CLEC16A: variants seen among roughly 807,000 people sequenced by gnomAD.
The protein encoded by CLEC16A is protein CLEC16A.
Under a neutral mutation model 109.5 loss-of-function variants are expected in CLEC16A, and 51 were observed. That is an observed-to-expected ratio of 0.47 (90% CI 0.37 to 0.59). CLEC16A has a LOEUF of 0.59. CLEC16A is among the 20% of genes least tolerant of loss of function. The pLI is 0.00. For synonymous variants in CLEC16A, 673 were observed against 564.2 expected (o/e 1.19, Z -2.73); for missense variants, 1,339 against 1,394.0 (o/e 0.96, Z 0.63).
intron 13 of CLEC16A, among the ~76,000 whole-genome samples, chr16:11,031,366 G>T (rs1224459104): frequency 3.9e-5 from 6 of 152,176 alleles, no homozygotes; most frequent in African/African-American, 1.4e-4. Context: ...CCTTCCTGCA[G>T]CCCTGACCTG....
chr16:11,036,317 G>C (rs2047016165), intron 13 of CLEC16A, among the ~76,000 whole-genome samples: 1 of 151,044 alleles, frequency 6.6e-6, no homozygotes, highest in South Asian at 2.1e-4. Flanking sequence ...CTCCCACCCA[G>C]ACCTCTCTGG....
At chr16:11,084,363 C>T (rs1459982714) in intron 19 of CLEC16A, among the ~76,000 whole-genome samples, 1 of 152,168 alleles carries the variant, frequency 6.6e-6, no homozygotes, top group South Asian at 2.1e-4. Flanking sequence ...TACCAAGCTG[C>T]TTGGGGGCAG....
intron 10 of CLEC16A, among the ~76,000 whole-genome samples, chr16:10,999,944 C>G (rs1353928923): frequency 6.6e-6 from 1 of 152,200 alleles, no homozygotes; most frequent in African/African-American, 2.4e-5. Context: ...TCGATCGATT[C>G]TCTTGCCTCA....
chr16:10,963,063 C>CAA (rs922221719), intron 3 of CLEC16A, among the ~76,000 whole-genome samples: 1 of 149,096 alleles, frequency 6.7e-6, no homozygotes, highest in Non-Finnish European at 1.5e-5. Flanking sequence ...TCTCCAACAA[C>CAA]AACAAAAAAA....
At chr16:10,959,368 TC>T (rs1033722386) in intron 2 of CLEC16A, among the ~76,000 whole-genome samples, 10 of 152,154 alleles carry the variant, frequency 6.6e-5, no homozygotes, top group Non-Finnish European at 1.0e-4. Context: ...CAGACCTAGT[TC>T]CTTTAAGGAT....
chr16:11,095,821 A>G lies in CLEC16A; in HGVS notation c.2117-24794A>G, dbSNP rs952622493. On this transcript the variant is annotated intron_variant, in intron 19 of 23. Transcript: ENST00000409790. ...AGCAAAACTCTGTCTCAAAAAGAAAAAAAAAAAAAAAAAAAAGGGAGCTAG... is the reference window on the plus strand; with the variant it reads ...AGCAAAACTCTGTCTCAAAAAGAAAGAAAAAAAAAAAAAAAAGGGAGCTAG... 2.4e-3 allele frequency among the ~76,000 whole-genome samples: 368 copies of G among 150,232 alleles called. 2 individuals are homozygous for G. The highest frequency in any genetic ancestry group is 8.7e-3 in the African/African-American group (356 of 40,862).
At chr16:11,166,766 T>C (rs1006521203) in intron 23 of CLEC16A, among the ~76,000 whole-genome samples, 1 of 152,136 alleles carries the variant, frequency 6.6e-6, no homozygotes, top group African/African-American at 2.4e-5. Context: ...AATTGCTCCT[T>C]TTTCAGGCCG....
At chr16:11,105,140 A>T (rs2051141678) in intron 19 of CLEC16A, among the ~76,000 whole-genome samples, 1 of 152,206 alleles carries the variant, frequency 6.6e-6, no homozygotes, top group African/African-American at 2.4e-5. Context: ...AAATTATGCA[A>T]TGTACTATGC....
intron 1 of CLEC16A, among the ~76,000 whole-genome samples, chr16:10,952,166 T>C (rs2041768007): frequency 6.6e-6 from 1 of 152,258 alleles, no homozygotes; most frequent in Admixed American, 6.5e-5. Flanking sequence ...TTCCTACTTC[T>C]CTAAAGTGAA....
intron 12 of CLEC16A, chr16:11,024,576 A>C: frequency 2.4e-6 from 1 of 420,098 alleles, no homozygotes; most frequent in Non-Finnish European, 4.4e-6. Flanking sequence ...TACCTGGTGA[A>C]TGATTGTTGT....
intron 22 of CLEC16A, among the ~76,000 whole-genome samples, chr16:11,148,283 A>G (rs896271755): frequency 5.9e-5 from 9 of 152,174 alleles, no homozygotes; most frequent in Non-Finnish European, 1.3e-4. Flanking sequence ...ACTCATGCCA[A>G]TGACTTTTAA....
chr16:10,983,512 A>G (rs1325456241), intron 10 of CLEC16A, among the ~76,000 whole-genome samples: 2 of 152,228 alleles, frequency 1.3e-5, no homozygotes, highest in South Asian at 2.1e-4. Flanking sequence ...GGAAAAACGC[A>G]TTGTTACGTG....
Position 11,171,190 on chromosome 16 carries a change from A to C in CLEC16A, c.2806+4638A>C, listed in dbSNP as rs577087868. ...ATAGCCCAGCGGTAGCTTCAGGCCC[A>C]GTACAGGTGAGGGCCTCTCAGCTGG... On this transcript the variant is annotated intron_variant, in intron 23 of 23. Coordinates refer to ENST00000409790, the MANE Select transcript of CLEC16A (RefSeq NM_015226.3). Among the ~76,000 whole-genome samples the C allele has an allele frequency of 4.0e-3, 612 of 152,308 alleles. 5 individuals carry two copies. Among genetic ancestry groups the C allele is most frequent in the African/African-American group, 0.014 (583 of 41,570 alleles).
At position 11,055,605 on chromosome 16, in the gene CLEC16A, T is replaced by TCC. The variant is rs1555471435; in HGVS notation, c.1995+3964_1995+3965insCC. On this transcript the variant is annotated intron_variant, in intron 18 of 23. Coordinates refer to ENST00000409790, the MANE Select transcript of CLEC16A (RefSeq NM_015226.3). ...TTTTTTTTTTTTTTTTTTTTTTTTT[T>TCC]TGAGACGAGTCTCAGTCTGTCACCC... 7.3e-4 allele frequency among the ~76,000 whole-genome samples: 103 copies of TCC among 141,398 alleles called. 1 individual carries two copies. The highest frequency in any genetic ancestry group is 2.7e-3 in the African/African-American group (98 of 36,298). 92.8% of individuals were successfully genotyped at this position (141,398 alleles called of 152,430 possible). A position where few individuals can be genotyped will look rare whatever the true frequency, so the allele number is the denominator to read the frequency against.
chr16:11,116,128 G>A (rs929581477), intron 19 of CLEC16A, among the ~76,000 whole-genome samples: 3 of 152,078 alleles, frequency 2.0e-5, no homozygotes, highest in African/African-American at 7.2e-5. Flanking sequence ...GGTAGCTCAT[G>A]CCTCTAATCC....
intron 3 of CLEC16A, among the ~76,000 whole-genome samples, chr16:10,963,880 A>T (rs2042373780): frequency 6.6e-6 from 1 of 152,184 alleles, no homozygotes; most frequent in South Asian, 2.1e-4. Context: ...GCTGCTAAGG[A>T]CAGGCCCCCC....
chr16:11,029,056 T>G (rs1033630258), intron 13 of CLEC16A, among the ~76,000 whole-genome samples: 4 of 152,348 alleles, frequency 2.6e-5, no homozygotes, highest in African/African-American at 9.6e-5. Context: ...TTTTTCACAG[T>G]TGGATGCTGG....
chr16:11,112,956 G>T (rs2051701233), intron 19 of CLEC16A, among the ~76,000 whole-genome samples: 1 of 152,184 alleles, frequency 6.6e-6, no homozygotes, highest in African/African-American at 2.4e-5. Flanking sequence ...CCTCTTGGTG[G>T]GGGCCAAGCC....
intron 10 of CLEC16A, among the ~76,000 whole-genome samples, chr16:10,994,838 G>A (rs560764680): frequency 1.3e-5 from 2 of 152,348 alleles, no homozygotes; most frequent in Admixed American, 6.5e-5. Context: ...TTAGTGTGAC[G>A]TCGGCATGGC....
Sources: gnomAD v4.1 joint callset for allele counts (sites outside exome capture counted in the v4.1 genomes callset) on GRCh38, gnomAD v4.1.1 for gene constraint, MANE v1.5 for transcripts, NCBI Gene and HGNC (gene_info 2026-07-23, HGNC 2026-07-21) for gene names.